STAG1: variants seen among roughly 807,000 people sequenced by gnomAD.
STAG1 encodes cohesin subunit SA-1.
Under a neutral mutation model 170.9 loss-of-function variants are expected in STAG1, and 26 were observed. That is an observed-to-expected ratio of 0.15 (90% CI 0.11 to 0.21). The LOEUF is 0.21. Among genes scored for constraint, STAG1 ranks in the 10% least tolerant of loss-of-function variants. STAG1 has a pLI of 1.00. For synonymous variants in STAG1, 514 were observed against 497.7 expected (o/e 1.03, Z -0.44); for missense variants, 964 against 1,509.5 (o/e 0.64, Z 5.99).
chr3:136,411,001 G>A (rs1576438988), intron 21 of STAG1, among the ~76,000 whole-genome samples: 1 of 152,366 alleles, frequency 6.6e-6, no homozygotes, highest in East Asian at 1.9e-4. Context: ...GTTGCAGTGA[G>A]CTGAGATTGC....
chr3:136,472,596 G>T, intron 11 of STAG1, 104 bp from the exon 12 acceptor site: 1 of 706,336 alleles, frequency 1.4e-6, no homozygotes, highest in Non-Finnish European at 2.3e-6. Flanking sequence ...CTAATGATAG[G>T]TTAAATAAAA....
chr3:136,373,228 T>G (rs1937442606), intron 23 of STAG1, among the ~76,000 whole-genome samples: 1 of 152,190 alleles, frequency 6.6e-6, no homozygotes, highest in African/African-American at 2.4e-5. Flanking sequence ...GTCTATTTGA[T>G]TCTTCTCTCT....
chr3:136,429,933 T>TC (rs2088245245), intron 16 of STAG1, among the ~76,000 whole-genome samples: 1 of 152,248 alleles, frequency 6.6e-6, no homozygotes, highest in Non-Finnish European at 1.5e-5. Context: ...GAATACAGTG[T>TC]ATAATACATA....
intron 7 of STAG1, among the ~76,000 whole-genome samples, chr3:136,512,298 C>T (rs1393531126): frequency 6.6e-6 from 1 of 151,756 alleles, no homozygotes; most frequent in Non-Finnish European, 1.5e-5. Flanking sequence ...AGAGCAAGAC[C>T]CTGTCTCGAA....
chr3:136,351,567 G>A (rs1936435259), intron 28 of STAG1, among the ~76,000 whole-genome samples: 2 of 152,160 alleles, frequency 1.3e-5, no homozygotes, highest in South Asian at 2.1e-4. Context: ...ATCAACACAG[G>A]GAGGAAGCTT....
intron 5 of STAG1, among the ~76,000 whole-genome samples, chr3:136,552,384 T>TA (rs1453898330): frequency 6.6e-6 from 1 of 152,236 alleles, no homozygotes; most frequent in Non-Finnish European, 1.5e-5. Flanking sequence ...AAGTTCAGTT[T>TA]ATAATGATAT....
rs376143465 is a variant in STAG1 at position 136,728,907 on chromosome 3, G to C, written c.-84+23288C>G. Among the ~76,000 whole-genome samples the C allele has an allele frequency of 3.3e-5, 5 of 152,098 alleles. No homozygotes were observed. In the East Asian group the frequency reaches 9.6e-4, roughly 29 times the overall value. On this transcript the variant is annotated intron_variant, in intron 1 of 33. Transcript: ENST00000383202. ...TAATACTTTGACATGTAACAACAAA[G>C]AACTTAGGTTTCATTTCTATTTAAC...
At chr3:136,518,459 T>C (rs1559853690) in intron 7 of STAG1, 1 of 690,020 alleles carries the variant, frequency 1.4e-6, no homozygotes, top group East Asian at 2.7e-5. Flanking sequence ...CTATTCCTCG[T>C]ACATATACCA....
intron 28 of STAG1, among the ~76,000 whole-genome samples, chr3:136,354,754 C>CAAAAAAAAAAAAAAAAAAAAAAAAAAAAA: frequency 2.1e-3 from 14 of 6,512 alleles, no homozygotes; most frequent in African/African-American, 3.6e-3. Context: ...GAGAAAGAAC[C>CAAAAAAAAAAAAAAAAAAAAAAAAAAAAA]AAAAAAAAAA....
At position 136,457,760 on chromosome 3, in the gene STAG1, C is replaced by T. The variant is rs547938879; in HGVS notation, c.1314-5613G>A. Among the ~76,000 whole-genome samples, 90 of 152,162 alleles carry T rather than the reference C, an allele frequency of 5.9e-4. 1 individual carries two copies. In the South Asian group the frequency reaches 0.018, roughly 31 times the overall value. On this transcript the variant is annotated intron_variant, in intron 13 of 33. Coordinates refer to ENST00000383202, the MANE Select transcript of STAG1 (RefSeq NM_005862.3). Reference sequence around the variant, plus strand: ...ACTTTAAAATGCAGCAAGTAAATGACTTATATCTTAAGCATGAAGACTACA... The same window carrying T: ...ACTTTAAAATGCAGCAAGTAAATGATTTATATCTTAAGCATGAAGACTACA...
chr3:136,598,328 C>T (rs1938517968), intron 4 of STAG1, among the ~76,000 whole-genome samples: 1 of 152,096 alleles, frequency 6.6e-6, no homozygotes, highest in Admixed American at 6.6e-5. Context: ...ACACATCTAT[C>T]CAAGTAATGC....
chr3:136,454,421 C>T (rs1352423773), intron 13 of STAG1, among the ~76,000 whole-genome samples: 1 of 151,822 alleles, frequency 6.6e-6, no homozygotes, highest in Non-Finnish European at 1.5e-5. Context: ...CTCTGTCGGC[C>T]TGGCTGGACG....
intron 13 of STAG1, among the ~76,000 whole-genome samples, chr3:136,457,939 CA>C (rs1395496173): frequency 2.0e-5 from 3 of 151,690 alleles, no homozygotes; most frequent in African/African-American, 7.3e-5. Flanking sequence ...TCTACAAAAA[CA>C]AAAAACAAAC....
In STAG1 at chr3:136,745,837, A is replaced by G. The variant is rs530961054; in HGVS notation, c.-84+6358T>C. Among the ~76,000 whole-genome samples, 70 of 152,322 alleles carry G rather than the reference A, an allele frequency of 4.6e-4. 1 individual carries two copies. The highest frequency in any genetic ancestry group is 1.6e-3 in the African/African-American group (66 of 41,566). On this transcript the variant is annotated intron_variant, in intron 1 of 33. Transcript: ENST00000383202. ...TGATAGCTAATAAGGTAAAAAACAA[A>G]CAAACAAAACAAACCTCATAATGTT...
intron 3 of STAG1, among the ~76,000 whole-genome samples, chr3:136,607,213 A>C (rs760532940): frequency 6.6e-6 from 1 of 152,118 alleles, no homozygotes; most frequent in South Asian, 2.1e-4. Flanking sequence ...GAACAAAGTC[A>C]CTATGTATAG....
At chr3:136,612,272 C>G (rs753550046) in intron 3 of STAG1, among the ~76,000 whole-genome samples, 39 of 152,066 alleles carry the variant, frequency 2.6e-4, no homozygotes, top group Non-Finnish European at 4.7e-4. Context: ...AACATGTAGG[C>G]CTTTTAGACT....
intron 23 of STAG1, among the ~76,000 whole-genome samples, chr3:136,371,769 T>A (rs1049901767): frequency 3.3e-5 from 5 of 152,196 alleles, no homozygotes; most frequent in African/African-American, 9.6e-5. Flanking sequence ...CCTTGTAGTA[T>A]AGTTTGAAGT....
intron 5 of STAG1, among the ~76,000 whole-genome samples, chr3:136,554,209 C>G (rs1301388822): frequency 6.6e-6 from 1 of 151,850 alleles, no homozygotes; most frequent in African/African-American, 2.4e-5. Context: ...AATAACATAT[C>G]AGGGAGTGGA....
intron 4 of STAG1, among the ~76,000 whole-genome samples, chr3:136,597,860 G>C (rs1190323467): frequency 6.6e-6 from 1 of 151,506 alleles, no homozygotes; most frequent in Non-Finnish European, 1.5e-5. Context: ...TATATCCTGG[G>C]AATACACCTA....
Sources: gnomAD v4.1 joint callset for allele counts (sites outside exome capture counted in the v4.1 genomes callset) on GRCh38, gnomAD v4.1.1 for gene constraint, MANE v1.5 for transcripts, NCBI Gene and HGNC (gene_info 2026-07-23, HGNC 2026-07-21) for gene names.